The following CADPS2 variants were observed in gnomAD, a reference collection of about 807,000 sequenced individuals.
CADPS2 encodes the protein calcium dependent secretion activator 2, also known as calcium-dependent secretion activator 2.
Under a neutral mutation model 172.5 loss-of-function variants are expected in CADPS2, and 93 were observed. That is an observed-to-expected ratio of 0.54 (90% CI 0.46 to 0.64). The LOEUF is 0.64. Ranked by LOEUF, CADPS2 falls within the 30% of genes least tolerant of loss-of-function variation. The probability of loss-of-function intolerance (pLI) is 0.00; values close to 1 mark genes in which losing one functional copy is unlikely to be tolerated. For missense variants in CADPS2, 1,420 were observed against 1,565.9 expected, an observed-to-expected ratio of 0.91 and a Z score of 1.57; for synonymous variants, 546 against 555.2, an observed-to-expected ratio of 0.98 and a Z score of 0.23.
chr7:122,815,566 C>T (rs1254468047), intron 1 of CADPS2, among the ~76,000 whole-genome samples: 1 of 151,118 alleles, frequency 6.6e-6, no homozygotes, highest in African/African-American at 2.4e-5. Flanking sequence ...AACAGAAACA[C>T]AATAGCAATA....
intron 1 of CADPS2, among the ~76,000 whole-genome samples, chr7:122,805,543 A>G (rs1181455283): frequency 6.6e-6 from 1 of 152,188 alleles, no homozygotes; most frequent in Admixed American, 6.5e-5. Flanking sequence ...TAACAGTGGA[A>G]CCAAAGATCA....
At chr7:122,789,275 C>T (rs1440763967) in intron 1 of CADPS2, among the ~76,000 whole-genome samples, 1 of 152,142 alleles carries the variant, frequency 6.6e-6, no homozygotes, top group Non-Finnish European at 1.5e-5. Flanking sequence ...TGTTTTTATA[C>T]TCTTCAGAAA....
chr7:122,620,003 G>T (rs980698280), intron 5 of CADPS2, among the ~76,000 whole-genome samples: 1 of 152,042 alleles, frequency 6.6e-6, no homozygotes, highest in African/African-American at 2.4e-5. Flanking sequence ...GAAAGTGAGA[G>T]GCAGATGTCC....
At chr7:122,572,513 G>C (rs73433780) in intron 7 of CADPS2, among the ~76,000 whole-genome samples, 4,338 of 152,150 alleles carry the variant, frequency 0.029, 81 homozygotes, top group South Asian at 0.055. Context: ...TTTCTAAAAT[G>C]AAAGAAAAGT....
intron 14 of CADPS2, among the ~76,000 whole-genome samples, chr7:122,469,560 A>G (rs1421428967): frequency 6.6e-6 from 1 of 152,116 alleles, no homozygotes; most frequent in African/African-American, 2.4e-5. Context: ...TGGGGAAAAA[A>G]CTACTAAAAT....
intron 19 of CADPS2, among the ~76,000 whole-genome samples, chr7:122,412,305 T>C (rs1563272476): frequency 6.6e-6 from 1 of 152,338 alleles, no homozygotes; most frequent in East Asian, 1.9e-4. Context: ...ATTTTGTTCA[T>C]GGTCAATTAT....
At chr7:122,565,548 G>C (rs912055888) in intron 7 of CADPS2, among the ~76,000 whole-genome samples, 8 of 152,050 alleles carry the variant, frequency 5.3e-5, no homozygotes, top group African/African-American at 1.9e-4. Context: ...TTTTCAGTTT[G>C]TCATGCTGAA....
Position 122,697,253 on chromosome 7 carries a change from GAATAAT to G in CADPS2, c.454-33690_454-33685del, listed in dbSNP as rs530623562. On this transcript the variant is annotated intron_variant, in intron 2 of 29. Transcript: ENST00000449022. ...GAACAGAACTATTTATCAAGAATAAGAATAATAAGATTTTGTAAAATGTTCATGCCA... is the reference window on the plus strand; with the variant it reads ...GAACAGAACTATTTATCAAGAATAAGAAGATTTTGTAAAATGTTCATGCCA... 1.3e-4 allele frequency among the ~76,000 whole-genome samples: 19 copies of G among 151,882 alleles called. No individual in the cohort carries two copies. The East Asian group carries it at 2.1e-3, about 17-fold the overall frequency.
chr7:122,425,162 A>G (rs953707504), intron 17 of CADPS2, among the ~76,000 whole-genome samples: 5 of 151,938 alleles, frequency 3.3e-5, no homozygotes, highest in Admixed American at 2.0e-4. Flanking sequence ...GTTTCTTTTT[A>G]TACAGACGGG....
At chr7:122,802,229 CA>C (rs1269160548) in intron 1 of CADPS2, among the ~76,000 whole-genome samples, 1 of 152,010 alleles carries the variant, frequency 6.6e-6, no homozygotes, top group African/African-American at 2.4e-5. Context: ...CAAATGCACC[CA>C]AAAAAGCTCA....
At chr7:122,513,363 G>A in intron 8 of CADPS2, 48 bp from the exon 9 acceptor site, 2 of 1,357,570 alleles carry the variant, frequency 1.5e-6, no homozygotes, top group Non-Finnish European at 2.0e-6. Flanking sequence ...GAATAATGTT[G>A]TGCTTCCATG....
rs796988558 is a variant in CADPS2, at chr7:122,645,681, A to ATATCTCTC, written c.787-16354_787-16353insGAGAGATA. Among the ~76,000 whole-genome samples the ATATCTCTC allele has an allele frequency of 3.0e-3, 349 of 116,820 alleles. 4 individuals are homozygous for ATATCTCTC. Among genetic ancestry groups the ATATCTCTC allele is most frequent in the East Asian group, 0.011 (38 of 3,492 alleles). 76.6% of individuals were successfully genotyped at this position (116,820 alleles called of 152,430 possible). On this transcript the variant is annotated intron_variant, in intron 3 of 29. Coordinates refer to ENST00000449022, the MANE Select transcript of CADPS2 (RefSeq NM_017954.11). ...AAGATATATATATATATATATATATATCTTGGGATTTTGCTCTTAGTTAGA... is the reference window on the plus strand; with the variant it reads ...AAGATATATATATATATATATATATATATCTCTCTCTTGGGATTTTGCTCTTAGTTAGA...
chr7:122,625,296 C>T (rs572651616), intron 4 of CADPS2, among the ~76,000 whole-genome samples: 125 of 152,208 alleles, frequency 8.2e-4, no homozygotes, highest in Non-Finnish European at 1.2e-3. Flanking sequence ...GTAATCCGCC[C>T]GCCTCAGCCT....
At chr7:122,550,042 C>T (rs940720803) in intron 8 of CADPS2, among the ~76,000 whole-genome samples, 1 of 151,924 alleles carries the variant, frequency 6.6e-6, no homozygotes, top group Non-Finnish European at 1.5e-5. Context: ...TGAGGAAATA[C>T]AATGTCTGAA....
chr7:122,821,012 C>T (rs1467065599), intron 1 of CADPS2, among the ~76,000 whole-genome samples: 2 of 151,588 alleles, frequency 1.3e-5, no homozygotes, highest in African/African-American at 2.4e-5. Context: ...ATACCTGACG[C>T]ATATACTTTC....
intron 1 of CADPS2, among the ~76,000 whole-genome samples, chr7:122,783,192 CAAAA>C (rs1001289886): frequency 6.3e-5 from 4 of 63,484 alleles, no homozygotes; most frequent in African/African-American, 2.3e-4. Context: ...GACTCCATCT[CAAAA>C]AAAAAAAAAA....
At chr7:122,834,059 T>C (rs1379984238) in intron 1 of CADPS2, among the ~76,000 whole-genome samples, 1 of 152,012 alleles carries the variant, frequency 6.6e-6, no homozygotes, top group Non-Finnish European at 1.5e-5. Flanking sequence ...GAGAACAACT[T>C]AAAAAACAGG....
intron 27 of CADPS2, among the ~76,000 whole-genome samples, chr7:122,358,234 T>A (rs1301210406): frequency 6.6e-6 from 1 of 152,144 alleles, no homozygotes; most frequent in Non-Finnish European, 1.5e-5. Context: ...ATATTGAGCA[T>A]TTTTTCATAA....
chr7:122,542,363 C>G (rs180849952), intron 8 of CADPS2, among the ~76,000 whole-genome samples: 2 of 152,248 alleles, frequency 1.3e-5, no homozygotes, highest in Non-Finnish European at 2.9e-5. Flanking sequence ...ACCTAACACT[C>G]TCGTTCTCTC....
Sources: allele counts gnomAD v4.1 joint callset (sites outside exome capture counted in the v4.1 genomes callset), GRCh38; gene constraint gnomAD v4.1.1; transcripts MANE v1.5; gene names NCBI Gene and HGNC (gene_info 2026-07-23, HGNC 2026-07-21).